DAOA: variants seen among roughly 807,000 people sequenced by gnomAD.
DAOA encodes D-amino acid oxidase regulator.
A neutral mutation model predicts 16.4 loss-of-function variants in DAOA; 15 were observed. The ratio of observed to expected loss-of-function variants is 0.91; its 90% confidence interval spans 0.61 to 1.41. The LOEUF (loss-of-function observed/expected upper bound fraction) is 1.41. Ranked by LOEUF, DAOA falls within the 40% of genes most tolerant of loss-of-function variation. The pLI is 0.00. For missense variants in DAOA, 230 were observed against 176.8 expected (o/e 1.30, Z -1.71); for synonymous variants, 75 against 59.1 (o/e 1.27, Z -1.23).
intron 4 of DAOA, among the ~76,000 whole-genome samples, chr13:105,483,455 C>A (rs1463104496): frequency 1.3e-5 from 2 of 152,116 alleles, no homozygotes; most frequent in South Asian, 2.1e-4. Flanking sequence ...GTAATTTAAC[C>A]ATTTTGCATT....
intron 4 of DAOA, among the ~76,000 whole-genome samples, chr13:105,476,347 C>A (rs1170732152): frequency 1.3e-5 from 2 of 151,850 alleles, no homozygotes; most frequent in African/African-American, 2.4e-5. Flanking sequence ...TATGTTTTGA[C>A]TTTTTAAATA....
intron 4 of DAOA, among the ~76,000 whole-genome samples, chr13:105,482,060 C>A (rs895998702): frequency 1.3e-5 from 2 of 152,130 alleles, no homozygotes; most frequent in South Asian, 2.1e-4. Context: ...AAAAATTCCC[C>A]TTTATAAAAC....
chr13:105,479,303 C>T (rs535345591), intron 4 of DAOA, among the ~76,000 whole-genome samples: 1 of 152,124 alleles, frequency 6.6e-6, no homozygotes, highest in South Asian at 2.1e-4. Flanking sequence ...CTAGAAGGTC[C>T]TATCATTATT....
chr13:105,490,321 C>T (rs1878430329), intron 5 of DAOA, 129 bp downstream of exon 5: 1 of 313,174 alleles, frequency 3.2e-6, no homozygotes, highest in African/African-American at 2.2e-5. Context: ...AAATCCTCTC[C>T]TCTTGTTTGG....
chr13:105,482,990 C>G (rs1877858978), intron 4 of DAOA, among the ~76,000 whole-genome samples: 1 of 152,042 alleles, frequency 6.6e-6, no homozygotes, highest in South Asian at 2.1e-4. Flanking sequence ...ACCTATTATT[C>G]TCTGAGGTTT....
chr13:105,471,066 G>C (rs187132208), intron 3 of DAOA, among the ~76,000 whole-genome samples: 34 of 151,968 alleles, frequency 2.2e-4, no homozygotes, highest in Admixed American at 2.0e-3. Context: ...GGGATTACAG[G>C]CATGAGCCAC....
intron 3 of DAOA, among the ~76,000 whole-genome samples, chr13:105,471,160 G>C (rs1876925993): frequency 6.6e-6 from 1 of 151,872 alleles, no homozygotes; most frequent in African/African-American, 2.4e-5. Flanking sequence ...CCTGACCTCA[G>C]GTGATCCGCC....
intron 3 of DAOA, among the ~76,000 whole-genome samples, chr13:105,471,872 ACT>A (rs1876978115): frequency 6.6e-6 from 1 of 152,154 alleles, no homozygotes; most frequent in South Asian, 2.1e-4. Flanking sequence ...ATCTTGGAAG[ACT>A]CTGCTAGTCA....
intron 4 of DAOA, chr13:105,477,150 G>T (rs1877395699): frequency 6.6e-6 from 1 of 152,094 alleles, no homozygotes; most frequent in South Asian, 2.1e-4. Context: ...TATGTCAGAA[G>T]CTGAGACCTC....
In DAOA at chr13:105,466,307, G is replaced by C. The variant is rs368169582; in HGVS notation, c.19G>C (p.Gly7Arg). 5.0e-6 allele frequency: 8 copies of C among 1,614,014 alleles called. No homozygotes were observed. The highest frequency in any genetic ancestry group is 2.2e-5 in the South Asian group (2 of 91,036). The change falls in exon 2 of 6, where the codon GGT becomes CGT. Residue 7 changes from glycine to arginine, a missense_variant. Coordinates refer to ENST00000375936, the MANE Select transcript of DAOA (RefSeq NM_172370.5). ...ACCCAAAATGCTGGAAAAGCTGATG[G>C]GTGCTGATTCTCTCCAGCTTTTCAG... MLEKLMGADSLQLFRSR... is the reference protein window; with the variant it reads MLEKLMRADSLQLFRSR...
At chr13:105,468,710 A>T (rs1876714859) in intron 3 of DAOA, among the ~76,000 whole-genome samples, 1 of 152,212 alleles carries the variant, frequency 6.6e-6, no homozygotes, top group African/African-American at 2.4e-5. Context: ...AATTTCTTCC[A>T]CTTAGCCTTC....
chr13:105,472,814 CA>C lies in DAOA; in HGVS notation c.281+130del, dbSNP rs574482443. The C allele has an allele frequency of 1.9e-4, 140 of 737,624 alleles. 2 individuals are homozygous for C. The South Asian group carries it at 5.0e-3, about 26-fold the overall frequency. 45.7% of individuals were successfully genotyped at this position (737,624 alleles called of 1,614,324 possible). A position where few individuals can be genotyped will look rare whatever the true frequency, so the allele number is the denominator to read the frequency against. ...CTTCATGTTGAACTTTTATCTAGCT[CA>C]GAGATTATTTGTCTATTACATAGGA... On this transcript the variant is annotated intron_variant, in intron 4 of 5. Coordinates refer to ENST00000375936, the MANE Select transcript of DAOA (RefSeq NM_172370.5).
chr13:105,471,534 A>G (rs887207958), intron 3 of DAOA, among the ~76,000 whole-genome samples: 4 of 152,200 alleles, frequency 2.6e-5, no homozygotes, highest in Non-Finnish European at 5.9e-5. Flanking sequence ...CTTGAAAATA[A>G]GAAAGGGAGT....
chr13:105,472,423 A>T (rs1261327620), intron 3 of DAOA, 115 bp from the exon 4 acceptor site: 2 of 1,391,048 alleles, frequency 1.4e-6, no homozygotes, highest in African/African-American at 2.9e-5. Flanking sequence ...ACCTCTGAAA[A>T]ATTAAGTAAA....
At chr13:105,477,175 G>A (rs9519683) in intron 4 of DAOA, 1 of 151,916 alleles carries the variant, frequency 6.6e-6, no homozygotes, top group Non-Finnish European at 1.5e-5. Context: ...AGATGGAAAT[G>A]AAAACCATCC....
intron 4 of DAOA, among the ~76,000 whole-genome samples, chr13:105,474,253 A>G (rs1013951958): frequency 1.3e-5 from 2 of 152,100 alleles, no homozygotes; most frequent in Non-Finnish European, 2.9e-5. Flanking sequence ...TCTAAACCAT[A>G]TAATTGCAGG....
intron 3 of DAOA, among the ~76,000 whole-genome samples, chr13:105,468,452 T>C (rs1030299274): frequency 1.3e-5 from 2 of 152,240 alleles, no homozygotes; most frequent in African/African-American, 4.8e-5. Flanking sequence ...ATCTTACTTT[T>C]AATTTCTGAC....
At position 105,466,201 on chromosome 13, in the gene DAOA, A is replaced by T. The variant is rs1876498105; in HGVS notation, c.-73-15A>T. ...TAAAAGCTTACTAGTGTATATGATG[A>T]TTCTGTTGGTCCAGGATTTGGAAAG... is the stretch of plus-strand genomic sequence containing the variant. On this transcript the variant is annotated splice_polypyrimidine_tract_variant and intron_variant, in intron 1 of 5. Coordinates refer to ENST00000375936, the MANE Select transcript of DAOA (RefSeq NM_172370.5). The T allele has an allele frequency of 1.3e-6, 2 of 1,598,136 alleles. No homozygotes were observed. The highest frequency in any genetic ancestry group is 3.4e-4 in the Middle Eastern group (2 of 5,954).
At chr13:105,490,704 G>A (rs900306273) in intron 5 of DAOA, 2 of 151,460 alleles carry the variant, frequency 1.3e-5, no homozygotes, top group Non-Finnish European at 2.9e-5. Flanking sequence ...TATGTCCTAA[G>A]GTTATTAACA....
Sources: gnomAD v4.1 joint callset for allele counts (sites outside exome capture counted in the v4.1 genomes callset) on GRCh38, gnomAD v4.1.1 for gene constraint, MANE v1.5 for transcripts, NCBI Gene and HGNC (gene_info 2026-07-23, HGNC 2026-07-21) for gene names.